Variants in EYS observed in about 807,000 individuals in gnomAD.
EYS encodes the protein protein eyes shut homolog.
In EYS, 250 loss-of-function variants were observed where a neutral mutation model predicts 282.1. That is an observed-to-expected ratio of 0.89 (90% confidence interval 0.80 to 0.98). EYS has a LOEUF of 0.98. EYS is among the 50% of genes least tolerant of loss of function. The pLI is 0.00. For synonymous variants in EYS, 1,355 were observed against 1,282.9 expected, an observed-to-expected ratio of 1.06 and a Z score of -1.20; for missense variants, 4,016 against 3,709.0, an observed-to-expected ratio of 1.08 and a Z score of -2.15.
At chr6:64,223,417 T>C (rs1327134893) in intron 31 of EYS, among the ~76,000 whole-genome samples, 1 of 151,948 alleles carries the variant, frequency 6.6e-6, no homozygotes, top group East Asian at 1.9e-4. Flanking sequence ...ACAATTGAGG[T>C]CATTAGTATC....
chr6:65,242,633 G>T (rs533110), intron 12 of EYS, among the ~76,000 whole-genome samples: 52,021 of 151,866 alleles, frequency 0.34, 10,418 homozygotes, highest in African/African-American at 0.56. Flanking sequence ...TCAGAACATG[G>T]AAGAATTGGA....
At chr6:65,129,630 C>T (rs1313391796) in intron 12 of EYS, among the ~76,000 whole-genome samples, 11 of 151,684 alleles carry the variant, frequency 7.3e-5, no homozygotes, top group African/African-American at 1.2e-4. Context: ...TCACACCAGT[C>T]GGAATAGCTA....
At chr6:65,453,187 C>T (rs894484303) in intron 5 of EYS, among the ~76,000 whole-genome samples, 1 of 151,934 alleles carries the variant, frequency 6.6e-6, no homozygotes, top group Non-Finnish European at 1.5e-5. Context: ...GTGTATTTAA[C>T]TATTTATGTA....
At chr6:65,686,515 C>T (rs983782125) in intron 1 of EYS, among the ~76,000 whole-genome samples, 1 of 152,076 alleles carries the variant, frequency 6.6e-6, no homozygotes, top group Non-Finnish European at 1.5e-5. Context: ...CTTGTGCTAG[C>T]ACACACACAA....
intron 2 of EYS, among the ~76,000 whole-genome samples, chr6:65,566,803 T>A (rs1253927602): frequency 1.3e-5 from 2 of 152,122 alleles, no homozygotes; most frequent in Non-Finnish European, 2.9e-5. Flanking sequence ...GTTTATATGA[T>A]TTAGTAGTTT....
chr6:65,288,438 TACAA>T (rs772197855), intron 12 of EYS, among the ~76,000 whole-genome samples: 48 of 150,448 alleles, frequency 3.2e-4, no homozygotes, highest in Non-Finnish European at 5.8e-4. Flanking sequence ...ACGAGATAGA[TACAA>T]ACAAACACAT....
intron 29 of EYS, among the ~76,000 whole-genome samples, chr6:64,313,708 A>C (rs997784056): frequency 1.3e-5 from 2 of 152,156 alleles, no homozygotes; most frequent in African/African-American, 4.8e-5. Flanking sequence ...GTGGGGACCA[A>C]TATTCAACAT....
At chr6:64,696,558 C>T (rs1770588525) in intron 22 of EYS, among the ~76,000 whole-genome samples, 1 of 152,082 alleles carries the variant, frequency 6.6e-6, no homozygotes, top group Non-Finnish European at 1.5e-5. Flanking sequence ...AGCCATTAGA[C>T]TCTCTAAAGT....
chr6:64,889,080 G>A (rs1767192095), intron 18 of EYS, among the ~76,000 whole-genome samples: 1 of 151,822 alleles, frequency 6.6e-6, no homozygotes, highest in Non-Finnish European at 1.5e-5. Context: ...ATTATTTGGT[G>A]ATATCTTGCT....
chr6:64,015,384 C>A (rs1339806088), intron 33 of EYS, among the ~76,000 whole-genome samples: 1 of 152,008 alleles, frequency 6.6e-6, no homozygotes. Flanking sequence ...CTCATAGGCT[C>A]AAGACCACAG....
intron 15 of EYS, among the ~76,000 whole-genome samples, chr6:64,944,760 G>A (rs1323088213): frequency 7.9e-5 from 12 of 152,068 alleles, no homozygotes; most frequent in Admixed American, 7.9e-4. Flanking sequence ...AAACCCGATT[G>A]TACATTTGTT....
At chr6:64,349,014 G>A (rs1312832603) in intron 29 of EYS, among the ~76,000 whole-genome samples, 1 of 151,228 alleles carries the variant, frequency 6.6e-6, no homozygotes, top group Non-Finnish European at 1.5e-5. Flanking sequence ...GTTTCAACGT[G>A]GAGACTGAAT....
chr6:63,912,360 C>T (rs1764277471), intron 35 of EYS, among the ~76,000 whole-genome samples: 1 of 151,776 alleles, frequency 6.6e-6, no homozygotes, highest in African/African-American at 2.4e-5. Flanking sequence ...TTCTAATAGC[C>T]ACATTATAAA....
chr6:63,873,059 T>A (rs757226446), intron 35 of EYS, among the ~76,000 whole-genome samples: 2 of 152,120 alleles, frequency 1.3e-5, no homozygotes, highest in Non-Finnish European at 2.9e-5. Context: ...ACGTGAAGGT[T>A]TGTTACATAT....
chr6:64,247,632 T>A (rs1302649331), intron 30 of EYS, among the ~76,000 whole-genome samples: 1 of 152,170 alleles, frequency 6.6e-6, no homozygotes, highest in Non-Finnish European at 1.5e-5. Flanking sequence ...AATTCAGTTT[T>A]GTAGAGTCGA....
At chr6:64,768,552 G>T (rs1330340813) in intron 22 of EYS, among the ~76,000 whole-genome samples, 1 of 152,186 alleles carries the variant, frequency 6.6e-6, no homozygotes, top group Non-Finnish European at 1.5e-5. Context: ...GTCACCCTAT[G>T]AAAGGATGAA....
At chr6:64,258,080 T>C (rs1254158155) in intron 30 of EYS, among the ~76,000 whole-genome samples, 1 of 152,062 alleles carries the variant, frequency 6.6e-6, no homozygotes, top group Non-Finnish European at 1.5e-5. Flanking sequence ...CATGTGATCC[T>C]AAGAAGCTAT....
chr6:65,106,695 T>A (rs1488732791), intron 12 of EYS, among the ~76,000 whole-genome samples: 2 of 152,114 alleles, frequency 1.3e-5, no homozygotes, highest in African/African-American at 4.8e-5. Flanking sequence ...ATATAGCCAC[T>A]TCAGACATTT....
chr6:65,076,744 A>G (rs1299279334), intron 12 of EYS, among the ~76,000 whole-genome samples: 2 of 151,826 alleles, frequency 1.3e-5, no homozygotes, highest in Admixed American at 1.3e-4. Flanking sequence ...TCTCATGGTA[A>G]TCTAAGAGGC....
Sources: gnomAD v4.1 joint callset for allele counts (sites outside exome capture counted in the v4.1 genomes callset) on GRCh38, gnomAD v4.1.1 for gene constraint, MANE v1.5 for transcripts, NCBI Gene and HGNC (gene_info 2026-07-23, HGNC 2026-07-21) for gene names.